EIF3B: variants seen among roughly 807,000 people sequenced by gnomAD.
EIF3B encodes eukaryotic translation initiation factor 3 subunit 9.
Under a neutral mutation model 104.6 loss-of-function variants are expected in EIF3B, and 10 were observed. The observed-to-expected ratio is 0.10, with a 90% CI of 0.06 to 0.16. The LOEUF is 0.16. EIF3B is among the 10% of genes least tolerant of loss of function. EIF3B has a pLI of 1.00. For synonymous variants in EIF3B, 542 were observed against 417.2 expected, an observed-to-expected ratio of 1.30 and a Z score of -3.65; for missense variants, 1,014 against 1,087.9, an observed-to-expected ratio of 0.93 and a Z score of 0.96.
Position 2,375,405 on chromosome 7 carries a change from G to A in EIF3B, c.1906G>A (p.Ala636Thr), listed in dbSNP as rs1464106865. ...TCTTTGCAGTATGAACGGTGCCTTA[G>A]CGTTTGTGGACACTTCGGACTGCAC... ...AGLRSMNGAL[A>T]FVDTSDCTVM... Residue 636 changes from alanine to threonine, a missense_variant, in exon 14 of 19, where the codon GCG becomes ACG. Transcript: ENST00000360876. The A allele has an allele frequency of 5.6e-6, 9 of 1,614,198 alleles. No individual in the cohort carries two copies. Among genetic ancestry groups the A allele is most frequent in the Non-Finnish European group, 7.6e-6 (9 of 1,180,014 alleles).
At chr7:2,365,140 G>A (rs886614037) in intron 6 of EIF3B, among the ~76,000 whole-genome samples, 15 of 152,166 alleles carry the variant, frequency 9.9e-5, no homozygotes, top group Non-Finnish European at 2.1e-4. Context: ...TGTAGAGATG[G>A]GGGTCTCACT....
rs755933619 is a variant in EIF3B, at chr7:2,366,386, C to G, written c.1227C>G (p.Ile409Met). The G allele has an allele frequency of 6.2e-7, 1 of 1,614,050 alleles. No homozygotes were observed. Among genetic ancestry groups the G allele is most frequent in the South Asian group, 1.1e-5 (1 of 91,050 alleles). Residue 409 changes from isoleucine (I) to methionine (M), a missense_variant, in exon 7 of 19, where the codon ATC becomes ATG. Transcript: ENST00000360876. The stretch of plus-strand genomic sequence containing the variant: ...CTCAGGCCATAATCATCTGGGACAT[C>G]CTTACGGGGCACAAGAAGAGGGGTT... ...DDPQAIIIWD[I>M]LTGHKKRGFH...
At chr7:2,360,993 G>T (rs1401441351) in intron 2 of EIF3B, 91 bp downstream of exon 2, 5 of 1,123,444 alleles carry the variant, frequency 4.5e-6, no homozygotes, top group Non-Finnish European at 6.3e-6. Context: ...CACAGCTCCT[G>T]CCTTGCCCAG....
intron 9 of EIF3B, among the ~76,000 whole-genome samples, chr7:2,368,353 C>T (rs1780144560): frequency 6.6e-6 from 1 of 152,100 alleles, no homozygotes; most frequent in African/African-American, 2.4e-5. Context: ...ACCATGTTGG[C>T]CAGGCTGGTC....
intron 1 of EIF3B, among the ~76,000 whole-genome samples, chr7:2,356,580 G>C (rs1017944751): frequency 6.7e-6 from 1 of 148,158 alleles, no homozygotes; most frequent in African/African-American, 2.5e-5. Flanking sequence ...TCCATCCTGG[G>C]CGACAGAGCA....
chr7:2,370,241 C>T (rs1780254638), intron 10 of EIF3B, among the ~76,000 whole-genome samples: 1 of 151,836 alleles, frequency 6.6e-6, no homozygotes, highest in South Asian at 2.1e-4. Flanking sequence ...CTTTGGGAGG[C>T]CGAGGTGGGC....
At chr7:2,362,973 G>C in intron 3 of EIF3B, 97 bp from the exon 4 acceptor site, 2 of 1,507,002 alleles carry the variant, frequency 1.3e-6, no homozygotes, top group Non-Finnish European at 9.2e-7. Context: ...CCTGGGGGCG[G>C]GCAGGCAGGA....
chr7:2,360,638 T>G, intron 1 of EIF3B, 72 bp from the exon 2 acceptor site: 1 of 1,234,918 alleles, frequency 8.1e-7, no homozygotes, highest in Non-Finnish European at 1.1e-6. Context: ...GAAGACTTGT[T>G]TAGTGTGCTC....
chr7:2,375,307 C>G, intron 13 of EIF3B, 82 bp from the exon 14 acceptor site: 1 of 1,582,104 alleles, frequency 6.3e-7, no homozygotes, highest in South Asian at 1.1e-5. Flanking sequence ...CCTGGGGACC[C>G]CATGCCGCAG....
intron 10 of EIF3B, among the ~76,000 whole-genome samples, chr7:2,370,994 C>T (rs1285809863): frequency 3.9e-5 from 6 of 152,092 alleles, no homozygotes; most frequent in Non-Finnish European, 8.8e-5. Flanking sequence ...ACCCGGGAGG[C>T]GGAGCTTGCA....
chr7:2,380,141 T>G (rs1350220157), intron 18 of EIF3B, 63 bp from the exon 19 acceptor site: 1 of 330,342 alleles, frequency 3.0e-6, no homozygotes, highest in Non-Finnish European at 6.0e-6. Context: ...CAAGGCGATG[T>G]TCAGGGGGTC....
chr7:2,375,347 A>G (rs1470920842), intron 13 of EIF3B, 42 bp from the exon 14 acceptor site: 3 of 1,609,684 alleles, frequency 1.9e-6, no homozygotes, highest in Middle Eastern at 1.6e-4. Flanking sequence ...GCCAGGAGGT[A>G]TGCGTCTCCA....
At position 2,354,863 on chromosome 7, in the gene EIF3B, C is replaced by T. The variant is rs896676074; in HGVS notation, c.-59C>T. On this transcript the variant is annotated 5_prime_UTR_variant, in exon 1 of 19. Coordinates refer to ENST00000360876, the MANE Select transcript of EIF3B (RefSeq NM_001037283.2). ...GTAGCCGTCGCGGCGCGCGGTGCGG[C>T]CTGGGAGAGTCGGAAGCGCGGCGGC... 7 of 1,102,290 alleles carry T rather than the reference C, an allele frequency of 6.4e-6. No individual in the cohort carries two copies. The African/African-American group carries it at 1.0e-4, about 16-fold the overall frequency. 68.3% of individuals were successfully genotyped at this position (1,102,290 alleles called of 1,614,324 possible). A position where few individuals can be genotyped will look rare whatever the true frequency, so the allele number is the denominator to read the frequency against.
At chr7:2,377,202 CT>C in intron 15 of EIF3B, 127 bp downstream of exon 15, 1 of 1,276,548 alleles carries the variant, frequency 7.8e-7, no homozygotes, top group Non-Finnish European at 1.1e-6. Flanking sequence ...TGCAAGGATT[CT>C]TTGAAGAGAC....
intron 10 of EIF3B, 46 bp downstream of exon 10, chr7:2,369,728 T>C (rs569267252): frequency 6.6e-7 from 1 of 1,509,552 alleles, no homozygotes; most frequent in Non-Finnish European, 9.2e-7. Flanking sequence ...TCCTGAGCTC[T>C]GAAGTGGCCA....
rs751551651 is a variant in EIF3B, at chr7:2,362,629, G to A, written c.693-16G>A. On this transcript the variant is annotated splice_polypyrimidine_tract_variant and intron_variant, in intron 2 of 18. Transcript: ENST00000360876. ...CTTACAGTGTGGGTATGTGCCAACG[G>A]CCCTCTCTCACTCAGGTATATTTTC... The A allele has an allele frequency of 1.2e-6, 2 of 1,613,914 alleles. No individual in the cohort carries two copies. The highest frequency in any genetic ancestry group is 1.3e-5 in the African/African-American group (1 of 74,912).
intron 5 of EIF3B, 150 bp downstream of exon 5, chr7:2,363,910 C>T: frequency 2.1e-6 from 2 of 950,362 alleles, no homozygotes; most frequent in Non-Finnish European, 3.0e-6. Flanking sequence ...TTTTATTCCT[C>T]TTCCAGCTTT....
intron 9 of EIF3B, among the ~76,000 whole-genome samples, chr7:2,367,825 A>AT (rs71026506): frequency 0.037 from 2,253 of 60,164 alleles, 66 homozygotes; most frequent in Non-Finnish European, 0.05. Flanking sequence ...TTTTTTTAAA[A>AT]TTTTTTTTTT....
upstream of EIF3B, among the ~76,000 whole-genome samples, chr7:2,354,568 G>A (rs565587582): frequency 1.3e-5 from 2 of 152,160 alleles, no homozygotes; most frequent in Non-Finnish European, 2.9e-5. Context: ...CGACGGGAAA[G>A]GAAAGGGGGA....
Sources: allele counts gnomAD v4.1 joint callset (sites outside exome capture counted in the v4.1 genomes callset), GRCh38; gene constraint gnomAD v4.1.1; transcripts MANE v1.5; gene names NCBI Gene and HGNC (gene_info 2026-07-23, HGNC 2026-07-21).